RBFOX1: variants seen among roughly 807,000 people sequenced by gnomAD.
The protein encoded by RBFOX1 is RNA binding protein fox-1 homolog 1.
In RBFOX1, 8 loss-of-function variants were observed where a neutral mutation model predicts 57.7. The observed-to-expected ratio is 0.14, with a 90% CI of 0.08 to 0.25. The LOEUF (loss-of-function observed/expected upper bound fraction) is 0.25, where lower values mean the gene tolerates loss of function less well. Ranked by LOEUF, RBFOX1 falls within the 10% of genes least tolerant of loss-of-function variation. RBFOX1 has a pLI of 1.00. For synonymous variants in RBFOX1, 326 were observed against 222.4 expected (o/e 1.47, Z -4.15); for missense variants, 611 against 548.5 (o/e 1.11, Z -1.14).
chr16:6,710,332 G>T (rs1015625751), intron 3 of RBFOX1, among the ~76,000 whole-genome samples: 24 of 152,116 alleles, frequency 1.6e-4, no homozygotes, highest in African/African-American at 5.8e-4. Flanking sequence ...TTTTTTAACA[G>T]TAAAAATAAA....
At chr16:5,245,380 C>G (rs1379852584) in intron 1 of RBFOX1, among the ~76,000 whole-genome samples, 12 of 152,120 alleles carry the variant, frequency 7.9e-5, no homozygotes, top group Admixed American at 7.2e-4. Flanking sequence ...ACAGATGGGT[C>G]TGGGGCTAGG....
At chr16:6,793,714 T>TTG (rs996837379) in intron 3 of RBFOX1, among the ~76,000 whole-genome samples, 5 of 152,196 alleles carry the variant, frequency 3.3e-5, no homozygotes, top group African/African-American at 1.2e-4. Flanking sequence ...TTCACCCTGT[T>TTG]GTTAGAGTAT....
chr16:6,008,800 G>T (rs1383909092), intron 4 of RBFOX1, among the ~76,000 whole-genome samples: 1 of 152,212 alleles, frequency 6.6e-6, no homozygotes, highest in African/African-American at 2.4e-5. Context: ...TGTTCTCCGT[G>T]AACTGCTCCA....
chr16:5,306,065 G>T (rs2151208509), intron 1 of RBFOX1, among the ~76,000 whole-genome samples: 1 of 139,622 alleles, frequency 7.2e-6, no homozygotes, highest in South Asian at 2.3e-4. Context: ...ACTAGGCATG[G>T]TGGAGTGCAC....
chr16:5,802,758 A>G (rs1472101103), intron 3 of RBFOX1, among the ~76,000 whole-genome samples: 3 of 152,202 alleles, frequency 2.0e-5, no homozygotes, highest in Non-Finnish European at 2.9e-5. Flanking sequence ...ACTGCCACCA[A>G]TAAACTAAGT....
chr16:6,943,851 T>C (rs1038522034), intron 3 of RBFOX1, among the ~76,000 whole-genome samples: 1 of 152,136 alleles, frequency 6.6e-6, no homozygotes, highest in Admixed American at 6.5e-5. Flanking sequence ...GTAACCATTC[T>C]AGCTTTTTCT....
At chr16:7,503,562 A>G (rs1301902144) in intron 4 of RBFOX1, among the ~76,000 whole-genome samples, 3 of 152,154 alleles carry the variant, frequency 2.0e-5, no homozygotes, top group Non-Finnish European at 1.5e-5. Context: ...ATCTAAATTT[A>G]TCTTGAATGT....
intron 3 of RBFOX1, among the ~76,000 whole-genome samples, chr16:6,784,369 T>G (rs1420554165): frequency 6.6e-6 from 1 of 152,156 alleles, no homozygotes; most frequent in African/African-American, 2.4e-5. Context: ...CACTGATTCT[T>G]TCTTCTGCTT....
chr16:5,496,764 T>C (rs2043015744), intron 2 of RBFOX1, among the ~76,000 whole-genome samples: 1 of 152,170 alleles, frequency 6.6e-6, no homozygotes, highest in East Asian at 1.9e-4. Context: ...AATCAGCTGC[T>C]TCATCCCTGT....
At chr16:6,792,271 A>C (rs1235611028) in intron 3 of RBFOX1, among the ~76,000 whole-genome samples, 1 of 152,226 alleles carries the variant, frequency 6.6e-6, no homozygotes, top group African/African-American at 2.4e-5. Context: ...AGAATTGTGA[A>C]GATTACATAA....
chr16:5,354,289 A>C (rs1020803936), intron 1 of RBFOX1, among the ~76,000 whole-genome samples: 1 of 151,780 alleles, frequency 6.6e-6, no homozygotes, highest in Non-Finnish European at 1.5e-5. Flanking sequence ...TATTGGTTGG[A>C]CCACTTTTTT....
intron 2 of RBFOX1, among the ~76,000 whole-genome samples, chr16:6,486,495 G>A (rs796864765): frequency 2.0e-5 from 3 of 152,072 alleles, no homozygotes; most frequent in African/African-American, 4.8e-5. Context: ...AAAACTTCAC[G>A]TGTCTTAGTC....
intron 4 of RBFOX1, among the ~76,000 whole-genome samples, chr16:7,293,142 C>T (rs779334214): frequency 1.3e-5 from 2 of 152,184 alleles, no homozygotes; most frequent in Non-Finnish European, 2.9e-5. Flanking sequence ...TCCATAGATT[C>T]AGTCAACTGC....
chr16:6,650,231 G>A (rs1558567), intron 2 of RBFOX1, among the ~76,000 whole-genome samples: 60,562 of 151,940 alleles, frequency 0.4, 13,200 homozygotes, highest in South Asian at 0.52. Context: ...AGAAGCACAT[G>A]TACCTTGCTT....
At chr16:6,712,456 T>C (rs963528762) in intron 3 of RBFOX1, among the ~76,000 whole-genome samples, 1 of 152,062 alleles carries the variant, frequency 6.6e-6, no homozygotes, top group Non-Finnish European at 1.5e-5. Context: ...TCCTAACCTT[T>C]CCTCTCATCT....
At chr16:6,559,339 T>G (rs181509469) in intron 2 of RBFOX1, among the ~76,000 whole-genome samples, 2 of 143,546 alleles carry the variant, frequency 1.4e-5, no homozygotes, top group African/African-American at 5.4e-5. Flanking sequence ...TGTATATGTA[T>G]GTGTGTATAT....
At chr16:5,896,072 A>G (rs1256660144) in intron 4 of RBFOX1, among the ~76,000 whole-genome samples, 1 of 152,026 alleles carries the variant, frequency 6.6e-6, no homozygotes, top group East Asian at 1.9e-4. Flanking sequence ...TAGGAGATTT[A>G]TTGGGGAAGT....
intron 1 of RBFOX1, among the ~76,000 whole-genome samples, chr16:5,284,235 A>C (rs2063338284): frequency 6.6e-6 from 1 of 152,036 alleles, no homozygotes; most frequent in Non-Finnish European, 1.5e-5. Flanking sequence ...TTCTTTTGTA[A>C]ATTGCCCAGT....
chr16:6,910,515 G>A (rs906339771), intron 3 of RBFOX1, among the ~76,000 whole-genome samples: 6 of 152,306 alleles, frequency 3.9e-5, no homozygotes, highest in African/African-American at 1.2e-4. Context: ...CAACCTACAT[G>A]CTTTTCCTTG....
Sources: allele counts gnomAD v4.1 joint callset (sites outside exome capture counted in the v4.1 genomes callset), GRCh38; gene constraint gnomAD v4.1.1; transcripts MANE v1.5; gene names NCBI Gene and HGNC (gene_info 2026-07-23, HGNC 2026-07-21).